EHMT1: variants seen among roughly 807,000 people sequenced by gnomAD.
The protein encoded by EHMT1 is histone-lysine N-methyltransferase EHMT1.
Under a neutral mutation model 147.2 loss-of-function variants are expected in EHMT1, and 15 were observed. The ratio of observed to expected loss-of-function variants is 0.10; its 90% confidence interval spans 0.07 to 0.16. The LOEUF is 0.16. Among genes scored for constraint, EHMT1 ranks in the 10% least tolerant of loss-of-function variants. The probability of loss-of-function intolerance (pLI) is 1.00; values close to 1 mark genes in which losing one functional copy is unlikely to be tolerated. For missense variants in EHMT1, 1,587 were observed against 1,772.4 expected, an observed-to-expected ratio of 0.90 and a Z score of 1.88; for synonymous variants, 795 against 709.6, an observed-to-expected ratio of 1.12 and a Z score of -1.91.
At chr9:137,819,699 CTG>C (rs1456646638) in intron 25 of EHMT1, among the ~76,000 whole-genome samples, 2 of 150,956 alleles carry the variant, frequency 1.3e-5, no homozygotes, top group Non-Finnish European at 2.9e-5. Context: ...TGAGGAGCGG[CTG>C]TGTGTTCTCG....
In EHMT1 at chr9:137,716,783, C is replaced by G. The variant is rs533477910; in HGVS notation, c.243C>G (p.Pro81=). Reference sequence around the variant, plus strand: ...CTCAGGACAGCGCAAGGGTCAACCCCCAGGATGGCACCAACACACTAACTC... The same window carrying G: ...CTCAGGACAGCGCAAGGGTCAACCCGCAGGATGGCACCAACACACTAACTC... ...KHTQDSARVN[P]QDGTNTLTRI... The change falls in exon 3 of 27, where the codon CCC becomes CCG. Residue 81 remains proline (P), a synonymous_variant. Coordinates refer to ENST00000460843, the MANE Select transcript of EHMT1 (RefSeq NM_024757.5). 1.2e-6 allele frequency: 2 copies of G among 1,612,928 alleles called. No homozygotes were observed. The highest frequency in any genetic ancestry group is 2.7e-5 in the African/African-American group (2 of 74,862).
chr9:137,823,212 C>T (rs558350689), intron 25 of EHMT1, among the ~76,000 whole-genome samples: 2 of 151,460 alleles, frequency 1.3e-5, no homozygotes, highest in East Asian at 3.9e-4. Context: ...CATTCTCCAG[C>T]CTCAGCCTCC....
At chr9:137,767,404 T>C (rs545010130) in intron 10 of EHMT1, among the ~76,000 whole-genome samples, 100 of 152,292 alleles carry the variant, frequency 6.6e-4, no homozygotes, top group African/African-American at 2.3e-3. Context: ...TCTGATAAGG[T>C]TACAATACAG....
At chr9:137,750,341 G>A (rs752416349) in intron 6 of EHMT1, among the ~76,000 whole-genome samples, 4 of 152,172 alleles carry the variant, frequency 2.6e-5, no homozygotes, top group Non-Finnish European at 5.9e-5. Flanking sequence ...CCACACGTGG[G>A]TTGTCTTGGA....
In EHMT1 at chr9:137,710,956, C is replaced by G. The variant is rs199527489; in HGVS notation, c.22-11C>G. ...TGAACCCGGCTGACGGCTGTTGTTTCTCTCTAACAGGCAGTTCCGGCGAGG... is the reference window on the plus strand; with the variant it reads ...TGAACCCGGCTGACGGCTGTTGTTTGTCTCTAACAGGCAGTTCCGGCGAGG... On this transcript the variant is annotated splice_polypyrimidine_tract_variant and intron_variant, in intron 1 of 26. Coordinates refer to ENST00000460843, the MANE Select transcript of EHMT1 (RefSeq NM_024757.5). The G allele has an allele frequency of 1.9e-6, 3 of 1,593,214 alleles. No homozygotes were observed. The highest frequency in any genetic ancestry group is 3.5e-5 in the Admixed American group (2 of 56,962).
At chr9:137,721,679 T>C (rs539799505) in intron 3 of EHMT1, among the ~76,000 whole-genome samples, 2 of 151,900 alleles carry the variant, frequency 1.3e-5, no homozygotes, top group African/African-American at 4.8e-5. Flanking sequence ...GCTCATCCCC[T>C]TGCACATTGC....
chr9:137,721,868 CA>C (rs1946092235), intron 3 of EHMT1, among the ~76,000 whole-genome samples: 1 of 152,154 alleles, frequency 6.6e-6, no homozygotes, highest in Non-Finnish European at 1.5e-5. Flanking sequence ...TTTCACAGAG[CA>C]AAGGTGTTTC....
intron 10 of EHMT1, 101 bp downstream of exon 10, chr9:137,762,921 G>C (rs1949943714): frequency 1.3e-6 from 2 of 1,520,628 alleles, no homozygotes. Context: ...TGTGCTGCGT[G>C]ACCAGGGCGG....
rs911610243 is a variant in EHMT1 at position 137,731,409 on chromosome 9, A to T, written c.823+2880A>T. Among the ~76,000 whole-genome samples the T allele has an allele frequency of 2.6e-5, 4 of 152,202 alleles. No homozygotes were observed. Among genetic ancestry groups the T allele is most frequent in the Non-Finnish European group, 5.9e-5 (4 of 68,044 alleles). On this transcript the variant is annotated intron_variant, in intron 4 of 26. Coordinates refer to ENST00000460843, the MANE Select transcript of EHMT1 (RefSeq NM_024757.5). The surrounding 1 kb of genome is among the most constrained non-coding windows in gnomAD (Gnocchi z 4.3). ...AACTAGAGAGGAGCATGGCATGCCC[A>T]GCTGCCTTGTCTTGTGATGGTCATC...
intron 25 of EHMT1, among the ~76,000 whole-genome samples, chr9:137,829,841 CA>C (rs761360798): frequency 2.0e-4 from 31 of 152,346 alleles, no homozygotes; most frequent in Middle Eastern, 6.8e-3. Context: ...TGCTGTGTCC[CA>C]TAGGGAGCTT....
chr9:137,743,956 A>T lies in EHMT1; in HGVS notation c.1036A>T (p.Met346Leu), dbSNP rs1343474221. The T allele has an allele frequency of 6.2e-7, 1 of 1,613,820 alleles. No homozygotes were observed. The highest frequency in any genetic ancestry group is 1.3e-5 in the African/African-American group (1 of 75,062). The change falls in exon 6 of 27, where the codon ATG (methionine) becomes TTG (leucine). Residue 346 changes from methionine (M) to leucine (L), a missense_variant. Met to Leu is a conservative substitution (Grantham distance 15, BLOSUM62 2). Around this residue, in one of 7 missense-constraint regions of EHMT1, gnomAD observed 810 missense variants for 673.0 expected, o/e 1.20. Transcript: ENST00000460843. Reference protein sequence around the residue: ...SLHVNGESLEMDSDEDDSEEL... With the variant: ...SLHVNGESLELDSDEDDSEEL... ...GCACGTGAATGGGGAGAGCCTGGAGATGGACTCGGATGAGGACGACTCAGA... is the reference window on the plus strand; with the variant it reads ...GCACGTGAATGGGGAGAGCCTGGAGTTGGACTCGGATGAGGACGACTCAGA...
intron 1 of EHMT1, among the ~76,000 whole-genome samples, chr9:137,624,066 C>T (rs1302912513): frequency 1.4e-5 from 2 of 147,824 alleles, no homozygotes; most frequent in Admixed American, 6.8e-5. Flanking sequence ...GTGGCGCCAT[C>T]TCGGCTTACT....
At chr9:137,738,119 G>A (rs765811612) in intron 4 of EHMT1, among the ~76,000 whole-genome samples, 9 of 151,860 alleles carry the variant, frequency 5.9e-5, no homozygotes, top group African/African-American at 2.2e-4. Context: ...ACTTGAACCC[G>A]AGTGGTAGAG....
At chr9:137,724,276 AC>A (rs1385997263) in intron 3 of EHMT1, among the ~76,000 whole-genome samples, 2 of 127,686 alleles carry the variant, frequency 1.6e-5, no homozygotes, top group African/African-American at 2.9e-5. Flanking sequence ...CCACCGCCCC[AC>A]CCCCGCCCTG....
Position 137,777,997 on chromosome 9 carries a change from T to C in EHMT1, c.2134T>C (p.Ser712Pro), listed in dbSNP as rs1338786849. The change falls in exon 13 of 27, where the codon TCC becomes CCC. Residue 712 changes from serine to proline, a missense_variant. Physicochemically the swap from Ser to Pro is moderately conservative, Grantham distance 74. Around this residue, in one of 7 missense-constraint regions of EHMT1, gnomAD observed 77 missense variants for 79.3 expected, o/e 0.97. Transcript: ENST00000460843. ...AGLGRPTPGLSQGPGKETLES... is the reference protein window; with the variant it reads ...AGLGRPTPGLPQGPGKETLES... ...GCTTGGGAGGCCAACTCCCGGCCTT[T>C]CCCAGGGACCAGGGAAGGAAACCTT... 3 of 1,613,750 alleles carry C rather than the reference T, an allele frequency of 1.9e-6. No individual in the cohort carries two copies. The highest frequency in any genetic ancestry group is 2.5e-6 in the Non-Finnish European group (3 of 1,179,984).
chr9:137,763,116 G>C (rs1949960581), intron 10 of EHMT1: 1 of 590,332 alleles, frequency 1.7e-6, no homozygotes, highest in Admixed American at 3.0e-5. Context: ...TTCCTACCTT[G>C]CTATAAACAA....
rs541691642 is a variant in EHMT1, at chr9:137,712,145, G to A, written c.85+1115G>A. Among the ~76,000 whole-genome samples the A allele has an allele frequency of 7.2e-5, 11 of 152,284 alleles. No individual in the cohort carries two copies. The East Asian group carries it at 9.7e-4, about 13-fold the overall frequency. On this transcript the variant is annotated intron_variant, in intron 2 of 26. Transcript: ENST00000460843. ...TGTACTTTGGCCCCTTCCTGTTGCC[G>A]TCCTTTCTGTGTCTTTGAACTGTTT...
chr9:137,772,418 A>G (rs1206052068), intron 10 of EHMT1, among the ~76,000 whole-genome samples: 1 of 152,156 alleles, frequency 6.6e-6, no homozygotes, highest in African/African-American at 2.4e-5. Flanking sequence ...TGGAGAGTAG[A>G]TAGTGAGCTC....
intron 1 of EHMT1, among the ~76,000 whole-genome samples, chr9:137,642,724 C>T (rs1227027459): frequency 6.6e-6 from 1 of 152,146 alleles, no homozygotes; most frequent in Non-Finnish European, 1.5e-5. Context: ...ACTGTGTGCC[C>T]ATCTACGCAG....
Sources: allele counts gnomAD v4.1 joint callset (sites outside exome capture counted in the v4.1 genomes callset), GRCh38; gene constraint gnomAD v4.1.1; regional missense constraint gnomAD v4.1.1; non-coding constraint Gnocchi (gnomAD v3.1); transcripts MANE v1.5; gene names NCBI Gene and HGNC (gene_info 2026-07-23, HGNC 2026-07-21).